The following DNAH8 variants were observed in gnomAD, a reference collection of about 807,000 sequenced individuals.
The protein encoded by DNAH8 is axonemal beta dynein heavy chain 8.
In DNAH8, 382 loss-of-function variants were observed where a neutral mutation model predicts 562.1. The ratio of observed to expected loss-of-function variants is 0.68; its 90% CI spans 0.63 to 0.74. The LOEUF (loss-of-function observed/expected upper bound fraction) is 0.74. Among genes scored for constraint, DNAH8 ranks in the 30% least tolerant of loss-of-function variants. The probability of loss-of-function intolerance (pLI) is 0.00; values close to 1 mark genes in which losing one functional copy is unlikely to be tolerated. For missense variants in DNAH8, 5,203 were observed against 5,620.4 expected, an observed-to-expected ratio of 0.93 and a Z score of 2.37; for synonymous variants, 1,881 against 1,919.4, an observed-to-expected ratio of 0.98 and a Z score of 0.52.
intron 38 of DNAH8, among the ~76,000 whole-genome samples, chr6:38,851,102 G>A (rs968853380): frequency 6.6e-6 from 1 of 152,108 alleles, no homozygotes; most frequent in Non-Finnish European, 1.5e-5. Context: ...ACAAGAGGAT[G>A]GTGTCAGGAT....
chr6:38,786,437 G>A (rs923472828), intron 17 of DNAH8, among the ~76,000 whole-genome samples: 3 of 152,094 alleles, frequency 2.0e-5, no homozygotes, highest in Admixed American at 2.0e-4. Context: ...TTTCTCAGGG[G>A]TGAAGTCATA....
chr6:38,715,925 AATATATATATATATAT>A (rs1206266759), intron 1 of DNAH8, among the ~76,000 whole-genome samples: 1 of 36,900 alleles, frequency 2.7e-5, no homozygotes, highest in African/African-American at 1.3e-4. Flanking sequence ...TAAATAAATA[AATATATATATATATAT>A]ATATATATAT....
chr6:38,848,131 C>T (rs920566681), intron 36 of DNAH8, among the ~76,000 whole-genome samples: 22 of 152,164 alleles, frequency 1.4e-4, no homozygotes, highest in African/African-American at 4.8e-4. Context: ...CTTTAGGGAT[C>T]TGATTTGTCC....
chr6:38,842,581 C>A, intron 34 of DNAH8, 76 bp downstream of exon 34: 1 of 1,577,800 alleles, frequency 6.3e-7, no homozygotes, highest in South Asian at 1.2e-5. Context: ...AATTTATTCC[C>A]TAATATAATA....
chr6:38,856,059 C>G (rs1776172062), intron 41 of DNAH8, among the ~76,000 whole-genome samples: 1 of 152,192 alleles, frequency 6.6e-6, no homozygotes, highest in African/African-American at 2.4e-5. Context: ...ACACTTAGTC[C>G]TCCTACCTGG....
chr6:38,893,825 G>A (rs1346444926), intron 58 of DNAH8, among the ~76,000 whole-genome samples: 1 of 152,126 alleles, frequency 6.6e-6, no homozygotes, highest in East Asian at 1.9e-4. Context: ...ATAGGCGTAT[G>A]GGGTGTTTGT....
Position 38,805,573 on chromosome 6 carries a change from G to T in DNAH8, c.3127G>T (p.Asp1043Tyr), listed in dbSNP as rs533179338. ...ANIVNEFDTH[D>Y]KEDEFKKECK... The stretch of plus-strand genomic sequence containing the variant: ...TATTGTGAATGAGTTTGATACTCAT[G>T]ATAAAGAAGATGAATTTAAAAAGGT... The change falls in exon 23 of 93, where the codon GAT becomes TAT. Residue 1043 changes from aspartate to tyrosine, a missense_variant. Physicochemically the swap from Asp to Tyr is radical, Grantham distance 160. This residue lies in a region of DNAH8 where 2,176 missense variants were observed against 2,365.1 expected (regional missense o/e 0.92). Coordinates refer to ENST00000327475, the MANE Select transcript of DNAH8 (RefSeq NM_001206927.2). 36 of 1,560,424 alleles carry T rather than the reference G, an allele frequency of 2.3e-5. 1 individual carries two copies. The South Asian group carries it at 3.7e-4, about 16-fold the overall frequency.
chr6:38,889,368 A>C (rs1042651569), intron 57 of DNAH8, among the ~76,000 whole-genome samples: 5 of 152,166 alleles, frequency 3.3e-5, no homozygotes, highest in Non-Finnish European at 5.9e-5. Flanking sequence ...AGCTATAAAG[A>C]AAAGCAAGTT....
intron 24 of DNAH8, among the ~76,000 whole-genome samples, chr6:38,810,977 T>C (rs1011935728): frequency 1.3e-5 from 2 of 152,180 alleles, no homozygotes; most frequent in Non-Finnish European, 2.9e-5. Context: ...TTCATTTTTT[T>C]CTGAGTTTTG....
rs542162527 is a variant in DNAH8 at position 38,920,876 on chromosome 6, T to C, written c.10525-493T>C. ...ACATTGCTGCATTTTCCATGTTTTCTTATTGAACATTAATAATTAAAAAAA... is the reference window on the plus strand; with the variant it reads ...ACATTGCTGCATTTTCCATGTTTTCCTATTGAACATTAATAATTAAAAAAA... On this transcript the variant is annotated intron_variant, in intron 70 of 92. Coordinates refer to ENST00000327475, the MANE Select transcript of DNAH8 (RefSeq NM_001206927.2). Among the ~76,000 whole-genome samples the C allele has an allele frequency of 6.6e-5, 10 of 152,300 alleles. 1 individual carries two copies. In the South Asian group the frequency reaches 2.1e-3, roughly 32 times the overall value.
intron 88 of DNAH8, among the ~76,000 whole-genome samples, chr6:38,997,418 A>G (rs1489559524): frequency 6.6e-6 from 1 of 152,158 alleles, no homozygotes; most frequent in Non-Finnish European, 1.5e-5. Flanking sequence ...AGTGAAATGA[A>G]AGAAGGGGTC....
intron 32 of DNAH8, among the ~76,000 whole-genome samples, chr6:38,837,526 C>T (rs963320414): frequency 6.6e-6 from 1 of 152,142 alleles, no homozygotes; most frequent in Non-Finnish European, 1.5e-5. Flanking sequence ...CTCTTCATTG[C>T]ATGTACAGAA....
rs763867026 is a variant in DNAH8 at position 38,857,729 on chromosome 6, T to C, written c.5945T>C (p.Ile1982Thr). 13 of 1,605,890 alleles carry C rather than the reference T, an allele frequency of 8.1e-6. No individual in the cohort carries two copies. The highest frequency in any genetic ancestry group is 1.3e-5 in the African/African-American group (1 of 74,764). Reference protein sequence around the residue: ...LITIHVHQRDIFDDLVKMHIK... With the variant: ...LITIHVHQRDTFDDLVKMHIK... ...ACCATCCATGTGCATCAGAGAGATA[T>C]TTTTGATGACTTGGTAAGGTATCTT... The change falls in exon 42 of 93, where the codon ATT becomes ACT. Residue 1982 changes from isoleucine (I) to threonine (T), a missense_variant. Around this residue, in one of 6 missense-constraint regions of DNAH8, gnomAD observed 2,176 missense variants for 2,365.1 expected, o/e 0.92. Transcript: ENST00000327475.
intron 1 of DNAH8, among the ~76,000 whole-genome samples, chr6:38,721,609 T>G (rs1421360228): frequency 1.3e-5 from 2 of 152,188 alleles, no homozygotes; most frequent in South Asian, 4.1e-4. Context: ...TGGTTCATGT[T>G]GACACATTCT....
intron 1 of DNAH8, among the ~76,000 whole-genome samples, chr6:38,720,520 G>A (rs1762668779): frequency 6.6e-6 from 1 of 152,166 alleles, no homozygotes. Flanking sequence ...CCAGGCTTAA[G>A]CCGACATCTA....
chr6:38,909,272 G>C (rs1454568464), intron 64 of DNAH8, among the ~76,000 whole-genome samples: 1 of 152,144 alleles, frequency 6.6e-6, no homozygotes, highest in Non-Finnish European at 1.5e-5. Context: ...TAGTTTATCA[G>C]TTTCCTCTTA....
chr6:38,738,302 C>T (rs1035567489), intron 7 of DNAH8, among the ~76,000 whole-genome samples: 11 of 152,144 alleles, frequency 7.2e-5, no homozygotes, highest in African/African-American at 2.2e-4. Flanking sequence ...AGGGAGAGGA[C>T]ACAGTGAAGA....
In DNAH8 at chr6:38,846,495, G is replaced by A. The variant is rs185495057; in HGVS notation, c.5045+722G>A. Among the ~76,000 whole-genome samples, 310 of 152,274 alleles carry A rather than the reference G, an allele frequency of 2.0e-3. 1 individual carries two copies. Among genetic ancestry groups the A allele is most frequent in the African/African-American group, 7.1e-3 (297 of 41,550 alleles). On this transcript the variant is annotated intron_variant, in intron 36 of 92. Transcript: ENST00000327475. ...TAGCTAATATCCCTTTTCCACGTTG[G>A]GATCACTGGTTAGTGAGTTGCATGC...
At chr6:38,727,725 T>C (rs946358733) in intron 3 of DNAH8, among the ~76,000 whole-genome samples, 1 of 152,214 alleles carries the variant, frequency 6.6e-6, no homozygotes, top group Non-Finnish European at 1.5e-5. Flanking sequence ...TGACTCCTTT[T>C]CTTGCTAGGA....
Sources: allele counts gnomAD v4.1 joint callset (sites outside exome capture counted in the v4.1 genomes callset), GRCh38; gene constraint gnomAD v4.1.1; regional missense constraint gnomAD v4.1.1; transcripts MANE v1.5; gene names NCBI Gene and HGNC (gene_info 2026-07-23, HGNC 2026-07-21).